The following ADAMTS18 variants were observed in gnomAD, a reference collection of about 807,000 sequenced individuals.
ADAMTS18 encodes ADAM metallopeptidase with thrombospondin type 1 motif 18.
A neutral mutation model predicts 165.9 loss-of-function variants in ADAMTS18; 157 were observed. The ratio of observed to expected loss-of-function variants is 0.95; its 90% CI spans 0.83 to 1.08. The LOEUF (loss-of-function observed/expected upper bound fraction) is 1.08, where lower values mean the gene tolerates loss of function less well. Ranked by LOEUF, ADAMTS18 falls within the 50% of genes least tolerant of loss-of-function variation. The pLI, the probability that ADAMTS18 is intolerant of heterozygous loss-of-function variation, is 0.00. For missense variants in ADAMTS18, 2,040 were observed against 1,534.0 expected (o/e 1.33, Z -5.51); for synonymous variants, 782 against 578.2 (o/e 1.35, Z -5.06).
chr16:77,400,231 C>G (rs8047717), intron 3 of ADAMTS18, among the ~76,000 whole-genome samples: 2,424 of 152,266 alleles, frequency 0.016, 63 homozygotes, highest in African/African-American at 0.056. Flanking sequence ...TAAGCTCAGC[C>G]TTGCCTCCAG....
At chr16:77,304,707 G>A (rs866615102) in intron 16 of ADAMTS18, among the ~76,000 whole-genome samples, 42 of 152,224 alleles carry the variant, frequency 2.8e-4, no homozygotes, top group African/African-American at 9.9e-4. Context: ...CTGGCCAAAA[G>A]AAAAAGAGAA....
At chr16:77,371,194 G>A (rs914507799) in intron 3 of ADAMTS18, among the ~76,000 whole-genome samples, 1 of 151,636 alleles carries the variant, frequency 6.6e-6, no homozygotes, top group African/African-American at 2.4e-5. Context: ...CAGTCTGGGT[G>A]ACAGAGCAAG....
chr16:77,333,874 ATAGTATAT>A (rs1253170438), intron 12 of ADAMTS18, among the ~76,000 whole-genome samples: 1 of 102,948 alleles, frequency 9.7e-6, no homozygotes, highest in Non-Finnish European at 2.1e-5. Flanking sequence ...TATATTATAT[ATAGTATAT>A]TAGTATATTA....
At chr16:77,356,191 G>A in intron 8 of ADAMTS18, 114 bp from the exon 9 acceptor site, 1 of 1,406,616 alleles carries the variant, frequency 7.1e-7, no homozygotes, top group Non-Finnish European at 1.0e-6. Flanking sequence ...GAGAGACAGA[G>A]TTATTAAAAC....
chr16:77,360,668 C>G (rs1388263563), intron 7 of ADAMTS18, among the ~76,000 whole-genome samples: 5 of 152,116 alleles, frequency 3.3e-5, no homozygotes, highest in Non-Finnish European at 7.3e-5. Context: ...TTACAAAAAC[C>G]CTTTCTATGG....
chr16:77,299,804 AG>A lies in ADAMTS18; in HGVS notation c.2674+458del, dbSNP rs998324843. Among the ~76,000 whole-genome samples the A allele has an allele frequency of 1.4e-4, 21 of 152,138 alleles. 1 individual carries two copies. The highest frequency in any genetic ancestry group is 3.9e-4 in the Admixed American group (6 of 15,262). Reference sequence around the variant, plus strand: ...AGAACCTTTGCTGACCTTACCCCTGAGGGGATATCCATGTTTCAGATAGACA... The same window carrying A: ...AGAACCTTTGCTGACCTTACCCCTGAGGGATATCCATGTTTCAGATAGACA... On this transcript the variant is annotated intron_variant, in intron 17 of 22. Coordinates refer to ENST00000282849, the MANE Select transcript of ADAMTS18 (RefSeq NM_199355.4).
At chr16:77,360,488 G>A (rs1176845662) in intron 7 of ADAMTS18, among the ~76,000 whole-genome samples, 1 of 150,738 alleles carries the variant, frequency 6.6e-6, no homozygotes, top group African/African-American at 2.5e-5. Flanking sequence ...ACAGTTGATA[G>A]AATTTCTGGT....
chr16:77,288,844 G>C (rs2055306067), intron 22 of ADAMTS18, among the ~76,000 whole-genome samples: 1 of 152,162 alleles, frequency 6.6e-6, no homozygotes, highest in South Asian at 2.1e-4. Context: ...TGGGCATGTG[G>C]CTTGTGACAG....
Position 77,362,273 on chromosome 16 carries a change from A to T in ADAMTS18, c.1057-9T>A. 1 of 1,614,094 alleles carries T rather than the reference A, an allele frequency of 6.2e-7. No homozygotes were observed. The highest frequency in any genetic ancestry group is 8.5e-7 in the Non-Finnish European group (1 of 1,180,000). ...TTGATCAATAATCCTCCCTATGGGA[A>T]ACCCACACAAATCAAAGTGTGAATT... On this transcript the variant is annotated splice_polypyrimidine_tract_variant and intron_variant, in intron 6 of 22. Coordinates refer to ENST00000282849, the MANE Select transcript of ADAMTS18 (RefSeq NM_199355.4).
intron 16 of ADAMTS18, among the ~76,000 whole-genome samples, chr16:77,318,445 A>C (rs1474625802): frequency 2.0e-5 from 3 of 152,228 alleles, no homozygotes; most frequent in Non-Finnish European, 2.9e-5. Context: ...CATGTAACAC[A>C]GTCTGTTTAA....
chr16:77,296,832 C>CA (rs893735413), intron 18 of ADAMTS18, among the ~76,000 whole-genome samples: 4 of 150,726 alleles, frequency 2.7e-5, no homozygotes, highest in African/African-American at 9.8e-5. Flanking sequence ...TCCTCCCCTC[C>CA]AAAAAAAAAG....
At chr16:77,429,371 G>T (rs1489078765) in intron 3 of ADAMTS18, among the ~76,000 whole-genome samples, 1 of 152,146 alleles carries the variant, frequency 6.6e-6, no homozygotes, top group Non-Finnish European at 1.5e-5. Flanking sequence ...CTTATAAGTG[G>T]GAGCTAAATG....
At chr16:77,342,898 C>G (rs986671317) in intron 10 of ADAMTS18, among the ~76,000 whole-genome samples, 1 of 151,900 alleles carries the variant, frequency 6.6e-6, no homozygotes, top group Non-Finnish European at 1.5e-5. Context: ...TAGAAGAGAA[C>G]CAGAGAGATG....
intron 10 of ADAMTS18, among the ~76,000 whole-genome samples, chr16:77,351,433 G>A (rs1028112434): frequency 6.6e-6 from 1 of 152,118 alleles, no homozygotes; most frequent in African/African-American, 2.4e-5. Context: ...TAAAAAGGTT[G>A]TTTAAGCCCT....
At chr16:77,371,776 T>C (rs189430809) in intron 3 of ADAMTS18, among the ~76,000 whole-genome samples, 1 of 152,178 alleles carries the variant, frequency 6.6e-6, no homozygotes, top group African/African-American at 2.4e-5. Context: ...GAAATGGAAG[T>C]GTATCAATCT....
At chr16:77,369,474 G>C (rs1221157632) in intron 3 of ADAMTS18, among the ~76,000 whole-genome samples, 1 of 151,990 alleles carries the variant, frequency 6.6e-6, no homozygotes, top group African/African-American at 2.4e-5. Flanking sequence ...GGTGGTTAAC[G>C]CCAATGAATT....
chr16:77,391,981 T>C (rs550584487), intron 3 of ADAMTS18, among the ~76,000 whole-genome samples: 6 of 152,164 alleles, frequency 3.9e-5, no homozygotes, highest in Non-Finnish European at 7.4e-5. Flanking sequence ...ATTTCATTGA[T>C]TACCTATGTT....
intron 16 of ADAMTS18, among the ~76,000 whole-genome samples, chr16:77,317,483 G>A (rs575543730): frequency 3.3e-5 from 5 of 152,230 alleles, no homozygotes; most frequent in South Asian, 2.1e-4. Context: ...ACAGGCATGC[G>A]CCACCACACC....
intron 3 of ADAMTS18, chr16:77,378,958 G>C (rs2056992807): frequency 6.6e-6 from 1 of 152,112 alleles, no homozygotes; most frequent in Non-Finnish European, 1.5e-5. Context: ...AACAATGAAA[G>C]AACTAAGCAA....
Sources: gnomAD v4.1 joint callset for allele counts (sites outside exome capture counted in the v4.1 genomes callset) on GRCh38, gnomAD v4.1.1 for gene constraint, MANE v1.5 for transcripts, NCBI Gene and HGNC (gene_info 2026-07-23, HGNC 2026-07-21) for gene names.